Variants in KCNB2 observed in about 807,000 individuals in gnomAD.
KCNB2 encodes potassium voltage-gated channel subfamily B member 2.
Under a neutral mutation model 61.5 loss-of-function variants are expected in KCNB2, and 15 were observed. The observed-to-expected ratio is 0.24, with a 90% CI of 0.16 to 0.38. KCNB2 has a LOEUF of 0.38. KCNB2 is among the 10% of genes least tolerant of loss of function. The pLI is 1.00. For synonymous variants in KCNB2, 457 were observed against 446.0 expected, an observed-to-expected ratio of 1.02 and a Z score of -0.31; for missense variants, 828 against 1,125.2, an observed-to-expected ratio of 0.74 and a Z score of 3.78.
chr8:72,937,162 A>T lies in KCNB2; in HGVS notation c.1807A>T (p.Ile603Phe). 1 of 1,614,142 alleles carries T rather than the reference A, an allele frequency of 6.2e-7. No homozygotes were observed. The highest frequency in any genetic ancestry group is 8.5e-7 in the Non-Finnish European group (1 of 1,180,018). Residue 603 changes from isoleucine (I) to phenylalanine (F), a missense_variant, in exon 3 of 3, where the codon ATC (isoleucine) becomes TTC (phenylalanine). By Grantham distance (21) the Ile-to-Phe change is conservative. Coordinates refer to ENST00000523207, the MANE Select transcript of KCNB2 (RefSeq NM_004770.3). ...TGTGGACATGAAGAGCACCTCCAGC[A>T]TCGACAGCTTCACCAGCTGTGCCAC... is the stretch of plus-strand genomic sequence containing the variant. ...VIVDMKSTSS[I>F]DSFTSCATDF... is the part of the protein sequence containing the mutation.
chr8:72,899,053 T>C (rs968597358), intron 2 of KCNB2, among the ~76,000 whole-genome samples: 2 of 152,182 alleles, frequency 1.3e-5, no homozygotes, highest in Non-Finnish European at 2.9e-5. Context: ...GATGGGCACC[T>C]AGGCTTTAAT....
intron 2 of KCNB2, among the ~76,000 whole-genome samples, chr8:72,685,458 G>A (rs746209076): frequency 2.1e-4 from 32 of 152,132 alleles, no homozygotes; most frequent in Non-Finnish European, 4.1e-4. Flanking sequence ...CCAACACGGT[G>A]CCTGTACTCT....
At chr8:72,798,205 T>G (rs1809062040) in intron 2 of KCNB2, among the ~76,000 whole-genome samples, 1 of 152,190 alleles carries the variant, frequency 6.6e-6, no homozygotes, top group Admixed American at 6.6e-5. Context: ...AAGCTCTGCC[T>G]AGATTAGTGA....
intron 2 of KCNB2, among the ~76,000 whole-genome samples, chr8:72,601,841 G>A (rs536904474): frequency 8.0e-4 from 122 of 152,284 alleles, no homozygotes; most frequent in African/African-American, 2.7e-3. Flanking sequence ...CACCCAAGCA[G>A]TATTTCAACA....
At chr8:72,545,989 A>G (rs1270352037) in intron 1 of KCNB2, among the ~76,000 whole-genome samples, 4 of 152,170 alleles carry the variant, frequency 2.6e-5, no homozygotes, top group Non-Finnish European at 5.9e-5. Flanking sequence ...ACTCTCTTCA[A>G]TTCCATGAAG....
chr8:72,723,473 C>G (rs1165745933), intron 2 of KCNB2, among the ~76,000 whole-genome samples: 2 of 152,188 alleles, frequency 1.3e-5, no homozygotes, highest in African/African-American at 4.8e-5. Context: ...ACTGTGTGCG[C>G]TCTCACAGGA....
chr8:72,742,813 G>A (rs1013601488), intron 2 of KCNB2, among the ~76,000 whole-genome samples: 13 of 152,290 alleles, frequency 8.5e-5, no homozygotes, highest in Non-Finnish European at 1.5e-4. Context: ...CCTGCAGTCA[G>A]CCTATGACTT....
At chr8:72,644,253 C>T (rs75645197) in intron 2 of KCNB2, among the ~76,000 whole-genome samples, 1 of 152,080 alleles carries the variant, frequency 6.6e-6, no homozygotes, top group Non-Finnish European at 1.5e-5. Flanking sequence ...GTTCACCCCC[C>T]CCTTCTCTTT....
chr8:72,714,169 CA>C (rs1807378986), intron 2 of KCNB2, among the ~76,000 whole-genome samples: 1 of 152,090 alleles, frequency 6.6e-6, no homozygotes, highest in Admixed American at 6.5e-5. Context: ...GTGAAAAGAC[CA>C]AATCTACGTC....
At chr8:72,545,061 C>T in intron 1 of KCNB2, among the ~76,000 whole-genome samples, 1 of 152,146 alleles carries the variant, frequency 6.6e-6, no homozygotes, top group South Asian at 2.1e-4. Context: ...AACAAAAATT[C>T]TACTATATTC....
At chr8:72,707,858 G>A (rs1282894950) in intron 2 of KCNB2, among the ~76,000 whole-genome samples, 2 of 152,080 alleles carry the variant, frequency 1.3e-5, no homozygotes, top group Non-Finnish European at 2.9e-5. Flanking sequence ...GAACACATTC[G>A]CATTAGGGTA....
At chr8:72,923,783 A>G (rs1021919375) in intron 2 of KCNB2, among the ~76,000 whole-genome samples, 2 of 152,228 alleles carry the variant, frequency 1.3e-5, no homozygotes, top group Non-Finnish European at 2.9e-5. Context: ...ATAGGACGTA[A>G]TAAGGATAAA....
chr8:72,931,965 A>T (rs1806793843), intron 2 of KCNB2, among the ~76,000 whole-genome samples: 1 of 152,144 alleles, frequency 6.6e-6, no homozygotes. Context: ...GTGAGCCAAG[A>T]TCGTGCCACT....
intron 2 of KCNB2, among the ~76,000 whole-genome samples, chr8:72,787,419 A>ATT (rs111694200): frequency 1.5e-4 from 23 of 150,122 alleles, no homozygotes; most frequent in Non-Finnish European, 3.0e-4. Flanking sequence ...ATACATCTGA[A>ATT]TTTTTTTTTT....
chr8:72,860,988 C>G (rs1229940391), intron 2 of KCNB2, among the ~76,000 whole-genome samples: 1 of 152,192 alleles, frequency 6.6e-6, no homozygotes, highest in Non-Finnish European at 1.5e-5. Context: ...AAATATAAAG[C>G]ATACTGTAGC....
At chr8:72,581,785 A>G (rs1329858904) in intron 2 of KCNB2, among the ~76,000 whole-genome samples, 1 of 152,210 alleles carries the variant, frequency 6.6e-6, no homozygotes, top group Non-Finnish European at 1.5e-5. Flanking sequence ...TACAGGGTTT[A>G]TGCAAAGAAA....
intron 2 of KCNB2, among the ~76,000 whole-genome samples, chr8:72,910,821 G>A (rs1022327186): frequency 6.6e-6 from 1 of 152,200 alleles, no homozygotes; most frequent in Non-Finnish European, 1.5e-5. Context: ...TGAGAACAAA[G>A]TTAAAAGAGT....
At chr8:72,868,136 A>G (rs1465080586) in intron 2 of KCNB2, among the ~76,000 whole-genome samples, 1 of 150,112 alleles carries the variant, frequency 6.7e-6, no homozygotes, top group African/African-American at 2.4e-5. Flanking sequence ...CAATGGTGCA[A>G]TCATAGCTCA....
intron 2 of KCNB2, among the ~76,000 whole-genome samples, chr8:72,587,886 T>C (rs1807024929): frequency 1.3e-5 from 2 of 152,236 alleles, no homozygotes; most frequent in South Asian, 2.1e-4. Context: ...TAATTGGGCA[T>C]GTGTCCATGA....
Sources: allele counts gnomAD v4.1 joint callset (sites outside exome capture counted in the v4.1 genomes callset), GRCh38; gene constraint gnomAD v4.1.1; transcripts MANE v1.5; gene names NCBI Gene and HGNC (gene_info 2026-07-23, HGNC 2026-07-21).